The following PPP2R2B variants were observed in gnomAD, a reference collection of about 807,000 sequenced individuals.
The protein encoded by PPP2R2B is serine/threonine-protein phosphatase 2A 55 kDa regulatory subunit B beta isoform.
In PPP2R2B, 5 loss-of-function variants were observed where a neutral mutation model predicts 46.0. The observed-to-expected ratio is 0.11, with a 90% CI of 0.06 to 0.23. The LOEUF is 0.23. PPP2R2B is among the 10% of genes least tolerant of loss of function. The pLI, the probability that PPP2R2B is intolerant of heterozygous loss-of-function variation, is 1.00. For synonymous variants in PPP2R2B, 215 were observed against 206.7 expected (o/e 1.04, Z -0.34); for missense variants, 367 against 575.0 (o/e 0.64, Z 3.70).
At chr5:146,779,749 C>T (rs1755396854) in intron 2 of PPP2R2B, among the ~76,000 whole-genome samples, 1 of 152,100 alleles carries the variant, frequency 6.6e-6, no homozygotes, top group African/African-American at 2.4e-5. Context: ...ATTAGCTAGT[C>T]TGAAATGAAG....
At chr5:146,795,482 G>C (rs550462338) in intron 2 of PPP2R2B, among the ~76,000 whole-genome samples, 1 of 152,200 alleles carries the variant, frequency 6.6e-6, no homozygotes, top group South Asian at 2.1e-4. Flanking sequence ...ATCTAAAAAA[G>C]TTGAACTCAT....
chr5:146,657,072 G>T (rs181548625), intron 5 of PPP2R2B, among the ~76,000 whole-genome samples: 1 of 152,220 alleles, frequency 6.6e-6, no homozygotes, highest in Admixed American at 6.5e-5. Flanking sequence ...CCTAAGTGGG[G>T]GTTGGCGGGT....
chr5:147,041,157 G>A (rs1230845639), intron 1 of PPP2R2B, among the ~76,000 whole-genome samples: 2 of 152,126 alleles, frequency 1.3e-5, no homozygotes, highest in East Asian at 1.9e-4. Context: ...TCACCCAAGG[G>A]TTTTGGGTTA....
At position 147,023,638 on chromosome 5, in the gene PPP2R2B, A is replaced by G. The variant is rs80290347; in HGVS notation, c.79+32027T>C. On this transcript the variant is annotated intron_variant, in intron 1 of 8. Transcript: ENST00000336640. Reference sequence around the variant, plus strand: ...TGCCAGGGCCAAAATGGGACAATTCATACTAACTGATAGGTAATTTTATGT... The same window carrying G: ...TGCCAGGGCCAAAATGGGACAATTCGTACTAACTGATAGGTAATTTTATGT... Among the ~76,000 whole-genome samples the G allele has an allele frequency of 4.9e-4, 75 of 152,346 alleles. 1 individual carries two copies. The East Asian group carries it at 0.014, about 29-fold the overall frequency.
At chr5:146,767,846 T>C (rs1010447905) in intron 2 of PPP2R2B, among the ~76,000 whole-genome samples, 2 of 152,312 alleles carry the variant, frequency 1.3e-5, no homozygotes, top group East Asian at 1.9e-4. Flanking sequence ...TAGAATCATA[T>C]ACAGTAGTTC....
At chr5:146,890,552 G>C (rs1347314321) in intron 1 of PPP2R2B, among the ~76,000 whole-genome samples, 2 of 152,190 alleles carry the variant, frequency 1.3e-5, no homozygotes, top group African/African-American at 4.8e-5. Context: ...TGTCAATCTG[G>C]CCATTACTGT....
intron 7 of PPP2R2B, among the ~76,000 whole-genome samples, chr5:146,625,411 G>C (rs1404745776): frequency 6.6e-6 from 1 of 152,166 alleles, no homozygotes; most frequent in African/African-American, 2.4e-5. Flanking sequence ...GTAAAGAGAA[G>C]TATCAGATGC....
chr5:146,717,774 T>C (rs1234360123), intron 2 of PPP2R2B, among the ~76,000 whole-genome samples: 1 of 152,088 alleles, frequency 6.6e-6, no homozygotes, highest in African/African-American at 2.4e-5. Flanking sequence ...AGCCCTACTT[T>C]TGCTTTCAGG....
intron 5 of PPP2R2B, among the ~76,000 whole-genome samples, chr5:146,690,470 T>C (rs1327056385): frequency 1.3e-5 from 2 of 152,220 alleles, no homozygotes; most frequent in Admixed American, 1.3e-4. Context: ...ATCATTTGTA[T>C]ATTAGTCTTA....
At chr5:146,698,847 T>C (rs970907812) in intron 3 of PPP2R2B, among the ~76,000 whole-genome samples, 3 of 151,964 alleles carry the variant, frequency 2.0e-5, no homozygotes, top group Non-Finnish European at 4.4e-5. Context: ...ACCTCTTGGC[T>C]TTCCTCTAGC....
chr5:146,849,620 G>A (rs1356326597), intron 2 of PPP2R2B, among the ~76,000 whole-genome samples: 1 of 152,084 alleles, frequency 6.6e-6, no homozygotes. Flanking sequence ...ATTTATTAGG[G>A]CAAACAGTAC....
chr5:146,894,075 T>C (rs2151430252), intron 1 of PPP2R2B, among the ~76,000 whole-genome samples: 1 of 152,146 alleles, frequency 6.6e-6, no homozygotes, highest in Non-Finnish European at 1.5e-5. Context: ...CAACAATCTG[T>C]CCATATCTAT....
chr5:146,957,636 C>G (rs1021156895), intron 1 of PPP2R2B, among the ~76,000 whole-genome samples: 1 of 152,112 alleles, frequency 6.6e-6, no homozygotes, highest in African/African-American at 2.4e-5. Context: ...GTAGAGGCAC[C>G]TGACACAAAT....
intron 5 of PPP2R2B, among the ~76,000 whole-genome samples, chr5:146,677,253 G>A (rs554137697): frequency 1.0e-3 from 159 of 152,306 alleles, no homozygotes; most frequent in African/African-American, 3.5e-3. Flanking sequence ...TAAATAGTCA[G>A]TGTCCTTATT....
intron 1 of PPP2R2B, among the ~76,000 whole-genome samples, chr5:146,973,348 T>C (rs1330481934): frequency 6.6e-6 from 1 of 152,244 alleles, no homozygotes; most frequent in Non-Finnish European, 1.5e-5. Flanking sequence ...TAAACTCTCA[T>C]ATTTTACATT....
intron 5 of PPP2R2B, among the ~76,000 whole-genome samples, chr5:146,680,524 A>C (rs185164056): frequency 0.036 from 5,506 of 152,058 alleles, 320 homozygotes; most frequent in African/African-American, 0.13. Flanking sequence ...GTGCACATGT[A>C]CCCTAAAACT....
intron 2 of PPP2R2B, among the ~76,000 whole-genome samples, chr5:146,704,486 A>G (rs1779716933): frequency 6.6e-6 from 1 of 152,242 alleles, no homozygotes; most frequent in South Asian, 2.1e-4. Context: ...GTTGATCAAG[A>G]AACTACAAAC....
At position 146,589,351 on chromosome 5, in the gene PPP2R2B, C is replaced by G. The variant is rs2150994904; in HGVS notation, c.*596G>C. 1 of 153,152 alleles carries G rather than the reference C, an allele frequency of 6.5e-6. No homozygotes were observed. The highest frequency in any genetic ancestry group is 1.9e-4 in the East Asian group (1 of 5,186). 9.5% of individuals were successfully genotyped at this position (153,152 alleles called of 1,614,324 possible). A position where few individuals can be genotyped will look rare whatever the true frequency, so the allele number is the denominator to read the frequency against. On this transcript the variant is annotated 3_prime_UTR_variant, in exon 10 of 10. Transcript: ENST00000394411. ...AAAGAGCATAGCAGGGTTGATGTGC[C>G]CTTTCCTTGTCATTCTGCATCCTCT...
intron 2 of PPP2R2B, among the ~76,000 whole-genome samples, chr5:146,758,983 T>G (rs1753998752): frequency 6.6e-6 from 1 of 152,192 alleles, no homozygotes; most frequent in Non-Finnish European, 1.5e-5. Flanking sequence ...AGTCTTTCAG[T>G]TCTCTTCTTA....
Sources: allele counts gnomAD v4.1 joint callset (sites outside exome capture counted in the v4.1 genomes callset), GRCh38; gene constraint gnomAD v4.1.1; transcripts MANE v1.5; gene names NCBI Gene and HGNC (gene_info 2026-07-23, HGNC 2026-07-21).